Variants in AIPL1 observed in about 807,000 individuals in gnomAD.
AIPL1 encodes the protein aryl-hydrocarbon-interacting protein-like 1.
Under a neutral mutation model 32.9 loss-of-function variants are expected in AIPL1, and 23 were observed. The observed-to-expected ratio is 0.70, with a 90% CI of 0.50 to 0.99. AIPL1 has a LOEUF of 0.99. Among genes scored for constraint, AIPL1 ranks in the 50% least tolerant of loss-of-function variants. AIPL1 has a pLI of 0.00. For synonymous variants in AIPL1, 210 were observed against 209.4 expected (o/e 1.00, Z -0.02); for missense variants, 485 against 506.0 (o/e 0.96, Z 0.40).
chr17:6,425,711 G>A lies in AIPL1; in HGVS notation c.904C>T (p.Arg302Cys), dbSNP rs2150674644. The change falls in exon 6 of 6, where the codon CGC becomes TGC. Residue 302 changes from arginine to cysteine, a missense_variant. By Grantham distance (180) the Arg-to-Cys change is radical. Coordinates refer to ENST00000381129, the MANE Select transcript of AIPL1 (RefSeq NM_014336.5). ...ELEPSMQKAV[R>C]RELRLLENRM... The stretch of plus-strand genomic sequence containing the variant: ...TTCTCCAGCAGCCTCAGCTCCCTGC[G>A]CACCGCCTTCTGCATGGACGGCTCC... 1.2e-6 allele frequency: 2 copies of A among 1,608,026 alleles called. No homozygotes were observed. The highest frequency in any genetic ancestry group is 1.7e-6 in the Non-Finnish European group (2 of 1,179,992).
chr17:6,428,628 C>T, intron 2 of AIPL1, 122 bp from the exon 3 acceptor site: 7 of 911,864 alleles, frequency 7.7e-6, no homozygotes, highest in Non-Finnish European at 1.2e-5. Context: ...GCCACTCATA[C>T]TAACTGTGGT....
chr17:6,426,645 G>A lies in AIPL1; in HGVS notation c.754C>T (p.His252Tyr), dbSNP rs745816578. 2 of 1,614,166 alleles carry A rather than the reference G, an allele frequency of 1.2e-6. No homozygotes were observed. The highest frequency in any genetic ancestry group is 3.3e-5 in the Admixed American group (2 of 60,038). The change falls in exon 5 of 6, where the codon CAC (histidine) becomes TAC (tyrosine). Residue 252 changes from histidine to tyrosine, a missense_variant. His to Tyr is a moderately conservative substitution (Grantham distance 83). Transcript: ENST00000381129. ...KKEEYYEVLEHTSDILRHHPG... is the reference protein window; with the variant it reads ...KKEEYYEVLEYTSDILRHHPG... The stretch of plus-strand genomic sequence containing the variant: ...TGGTGCCGGAGAATATCACTGGTGT[G>A]CTCCAGCACCTCATAGTACTCCTCC...
chr17:6,433,974 A>G lies in AIPL1; in HGVS notation c.221T>C (p.Ile74Thr), dbSNP rs201336952. 5.0e-6 allele frequency: 8 copies of G among 1,613,678 alleles called. No individual in the cohort carries two copies. In the East Asian group the frequency reaches 1.8e-4, roughly 36 times the overall value. ...GNMFKLEVWEILLTSMRVHEV... is the reference protein window; with the variant it reads ...GNMFKLEVWETLLTSMRVHEV... ...GTGCACCCGCATGGAGGTAAGCAGG[A>G]TCTCCCAGACCTCGAGCTTGAACAT... Residue 74 changes from isoleucine (I) to threonine (T), a missense_variant, in exon 2 of 6, where the codon ATC becomes ACC. Coordinates refer to ENST00000381129, the MANE Select transcript of AIPL1 (RefSeq NM_014336.5).
chr17:6,431,494 C>T (rs928985015), intron 2 of AIPL1, among the ~76,000 whole-genome samples: 2 of 152,040 alleles, frequency 1.3e-5, no homozygotes, highest in Non-Finnish European at 2.9e-5. Flanking sequence ...TAATAGCTCT[C>T]ATTTTTAATT....
At chr17:6,432,915 A>C (rs1001669891) in intron 2 of AIPL1, among the ~76,000 whole-genome samples, 2 of 152,122 alleles carry the variant, frequency 1.3e-5, no homozygotes, top group Non-Finnish European at 2.9e-5. Flanking sequence ...CTCATATTTT[A>C]GAGATACAAA....
intron 2 of AIPL1, among the ~76,000 whole-genome samples, chr17:6,433,631 A>T (rs1187123429): frequency 6.5e-4 from 90 of 138,248 alleles, no homozygotes; most frequent in African/African-American, 2.3e-3. Flanking sequence ...ACACACACAC[A>T]CACACACACA....
chr17:6,426,595 G>A lies in AIPL1; in HGVS notation c.784+20C>T, dbSNP rs760277261. The A allele has an allele frequency of 1.4e-5, 22 of 1,611,176 alleles. No individual in the cohort carries two copies. The highest frequency in any genetic ancestry group is 3.3e-5 in the South Asian group (3 of 90,850). On this transcript the variant is annotated intron_variant, in intron 5 of 5. Transcript: ENST00000381129. ...TGGGCTGGGCGCCCCCTCACTGTCC[G>A]CCCCTGCAGCCCCGCGCACCTGGGT...
chr17:6,430,953 A>G (rs184929159), intron 2 of AIPL1, among the ~76,000 whole-genome samples: 19 of 152,028 alleles, frequency 1.2e-4, no homozygotes, highest in Admixed American at 7.8e-4. Context: ...AATGGATAAC[A>G]TGTTGAGTGG....
chr17:6,428,501 C>A lies in AIPL1; in HGVS notation c.282G>T (p.Thr94=). The change falls in exon 3 of 6, where the codon ACG becomes ACT. Residue 94 remains threonine (T), a synonymous_variant. Transcript: ENST00000381129. ...TCCGGGATAGGATGGGGTAGACCCC[C>A]GTGTGCTGTGGGGATAAACGGATGG... The part of the protein sequence containing the change: ...VAEFWCDTIH[T]GVYPILSRSL... 6.2e-7 allele frequency: 1 copy of A among 1,613,900 alleles called. No homozygotes were observed. Among genetic ancestry groups the A allele is most frequent in the Non-Finnish European group, 8.5e-7 (1 of 1,179,988 alleles).
At position 6,433,949 on chromosome 17, in the gene AIPL1, G is replaced by T. The variant is rs758868216; in HGVS notation, c.246C>A (p.His82Gln). 2 of 1,612,016 alleles carry T rather than the reference G, an allele frequency of 1.2e-6. No homozygotes were observed. Among genetic ancestry groups the T allele is most frequent in the East Asian group, 4.5e-5 (2 of 44,852 alleles). The stretch of plus-strand genomic sequence containing the variant: ...TGTCGCACCAGAACTCGGCCACCTC[G>T]TGCACCCGCATGGAGGTAAGCAGGA... The part of the protein sequence containing the change: ...WEILLTSMRV[H>Q]EVAEFWCDTI... The change falls in exon 2 of 6, where the codon CAC (histidine) becomes CAA (glutamine). Residue 82 changes from histidine to glutamine, a missense_variant. His to Gln is a conservative substitution (Grantham distance 24). Transcript: ENST00000381129.
In AIPL1 at chr17:6,425,329, T is replaced by C; in HGVS notation, c.*131A>G. ...ATTGTTTTTTTTTTTTTTTTTACCA[T>C]GGGTGTGTCTGACTTTGATTTCAAA... is the stretch of plus-strand genomic sequence containing the variant. On this transcript the variant is annotated 3_prime_UTR_variant, in exon 6 of 6. Coordinates refer to ENST00000381129, the MANE Select transcript of AIPL1 (RefSeq NM_014336.5). The C allele has an allele frequency of 4.0e-6, 4 of 1,008,946 alleles. No homozygotes were observed. In the South Asian group the frequency reaches 8.4e-5, roughly 21 times the overall value. The allele number at this position is 1,008,946 out of a possible 1,614,324, so 62.5% of individuals were successfully genotyped here.
In AIPL1 at chr17:6,426,977, G is replaced by T. The variant is rs745326012; in HGVS notation, c.546C>A (p.His182Gln). Residue 182 changes from histidine to glutamine, a missense_variant, in exon 4 of 6, where the codon CAC becomes CAA. His to Gln is a conservative substitution (Grantham distance 24). Coordinates refer to ENST00000381129, the MANE Select transcript of AIPL1 (RefSeq NM_014336.5). ...GCTTGAAGAGCCGATTTCCCTCTCC[G>T]TGGAGGACGGGCACCGCCTTCATCT... is the stretch of plus-strand genomic sequence containing the variant. ...HEKMKAVPVL[H>Q]GEGNRLFKLG... The T allele has an allele frequency of 9.9e-6, 16 of 1,614,068 alleles. No homozygotes were observed. Among genetic ancestry groups the T allele is most frequent in the Admixed American group, 5.0e-5 (3 of 60,010 alleles).
Position 6,426,764 on chromosome 17 carries a change from GGGA to G in AIPL1, c.643-11_643-9del. ...CACCTCCCATGGCTTCTCCTGCCCA[GGGA>G]GAAGGTCAGCCATGACCTCAGGCAG... On this transcript the variant is annotated splice_polypyrimidine_tract_variant and intron_variant, in intron 4 of 5. Transcript: ENST00000381129. 1 of 1,613,314 alleles carries G rather than the reference GGGA, an allele frequency of 6.2e-7. No individual in the cohort carries two copies.
In AIPL1 at chr17:6,425,315, T is replaced by TG; in HGVS notation, c.*144_*145insC. ...TCTGTACCCTTGGGATTGTTTTTTT[T>TG]TTTTTTTTTACCATGGGTGTGTCTG... On this transcript the variant is annotated 3_prime_UTR_variant, in exon 6 of 6. Transcript: ENST00000381129. The TG allele has an allele frequency of 9.2e-6, 10 of 1,085,084 alleles. No homozygotes were observed. The highest frequency in any genetic ancestry group is 1.3e-5 in the Non-Finnish European group (10 of 791,036). 67.2% of individuals were successfully genotyped at this position (1,085,084 alleles called of 1,614,324 possible).
intron 3 of AIPL1, among the ~76,000 whole-genome samples, chr17:6,427,974 C>T (rs1284700380): frequency 6.6e-6 from 1 of 152,082 alleles, no homozygotes; most frequent in Admixed American, 6.5e-5. Context: ...CATGCACCAC[C>T]ACACCCGGTT....
chr17:6,426,175 C>T (rs1341193735), intron 5 of AIPL1: 18 of 1,284,398 alleles, frequency 1.4e-5, no homozygotes, highest in Admixed American at 3.7e-5. Context: ...AGATAATAAA[C>T]GCAGACGACG....
At chr17:6,426,259 A>T in intron 5 of AIPL1, 1 of 1,303,154 alleles carries the variant, frequency 7.7e-7, no homozygotes, top group Non-Finnish European at 9.8e-7. Flanking sequence ...CAATACTAGT[A>T]CTGACGGTGC....
rs1911708246 is a variant in AIPL1 at position 6,424,411 on chromosome 17, T to C, written c.*1049A>G. ...ACATGTAATTAAAAGTGGGTATAAATCTGACTGCAGAACTGCCCTGAGCTG... is the reference window on the plus strand; with the variant it reads ...ACATGTAATTAAAAGTGGGTATAAACCTGACTGCAGAACTGCCCTGAGCTG... On this transcript the variant is annotated 3_prime_UTR_variant, in exon 6 of 6. Coordinates refer to ENST00000381129, the MANE Select transcript of AIPL1 (RefSeq NM_014336.5). 6.6e-6 allele frequency: 1 copy of C among 152,276 alleles called. No homozygotes were observed. Among genetic ancestry groups the C allele is most frequent in the African/African-American group, 2.4e-5 (1 of 41,468 alleles). The allele number at this position is 152,276 out of a possible 1,614,324, so 9.4% of individuals were successfully genotyped here. A position where few individuals can be genotyped will look rare whatever the true frequency, so the allele number is the denominator to read the frequency against.
At chr17:6,433,634 C>G (rs1465434894) in intron 2 of AIPL1, among the ~76,000 whole-genome samples, 1 of 151,478 alleles carries the variant, frequency 6.6e-6, no homozygotes, top group Non-Finnish European at 1.5e-5. Context: ...CACACACACA[C>G]ACACACACAC....
Sources: gnomAD v4.1 joint callset for allele counts (sites outside exome capture counted in the v4.1 genomes callset) on GRCh38, gnomAD v4.1.1 for gene constraint, MANE v1.5 for transcripts, NCBI Gene and HGNC (gene_info 2026-07-23, HGNC 2026-07-21) for gene names.